SELENOI: variants seen among roughly 807,000 people sequenced by gnomAD.
The protein encoded by SELENOI is ethanolaminephosphotransferase 1.
SELENOI carries 24 observed loss-of-function variants against 50.7 expected under a neutral mutation model. The ratio of observed to expected loss-of-function variants is 0.47; its 90% CI spans 0.34 to 0.67. The LOEUF is 0.67. SELENOI is among the 30% of genes least tolerant of loss of function. The probability of loss-of-function intolerance (pLI) is 0.01; values close to 1 mark genes in which losing one functional copy is unlikely to be tolerated. For synonymous variants in SELENOI, 155 were observed against 170.2 expected, an observed-to-expected ratio of 0.91 and a Z score of 0.70; for missense variants, 352 against 461.4, an observed-to-expected ratio of 0.76 and a Z score of 2.17.
chr2:26,379,667 T>A (rs945555680), intron 6 of SELENOI, among the ~76,000 whole-genome samples: 96 of 152,274 alleles, frequency 6.3e-4, no homozygotes, highest in African/African-American at 2.3e-3. Context: ...CACCTAATAA[T>A]ATTAACAGAC....
At chr2:26,358,488 G>T (rs1384468721) in intron 1 of SELENOI, among the ~76,000 whole-genome samples, 2 of 152,134 alleles carry the variant, frequency 1.3e-5, no homozygotes, top group Non-Finnish European at 1.5e-5. Context: ...GCCTCCCAAG[G>T]CACTGGGATT....
At chr2:26,369,609 T>A (rs1288901122) in intron 4 of SELENOI, among the ~76,000 whole-genome samples, 1 of 152,200 alleles carries the variant, frequency 6.6e-6, no homozygotes, top group Non-Finnish European at 1.5e-5. Context: ...TTAGTGTCCC[T>A]CTCTCCAGCC....
chr2:26,379,321 T>C (rs1677633876), intron 6 of SELENOI, among the ~76,000 whole-genome samples: 2 of 152,236 alleles, frequency 1.3e-5, no homozygotes, highest in African/African-American at 4.8e-5. Flanking sequence ...CTATTTTTTC[T>C]TTGAAGTTTA....
chr2:26,360,938 G>T (rs1023133373), intron 1 of SELENOI, among the ~76,000 whole-genome samples: 1 of 152,142 alleles, frequency 6.6e-6, no homozygotes, highest in South Asian at 2.1e-4. Flanking sequence ...CATCCTGGCC[G>T]GCACGGTGGC....
At chr2:26,358,174 G>T (rs1321697937) in intron 1 of SELENOI, among the ~76,000 whole-genome samples, 1 of 152,120 alleles carries the variant, frequency 6.6e-6, no homozygotes, top group Admixed American at 6.5e-5. Context: ...AGCCCAAGAC[G>T]GGAGGATCTC....
At chr2:26,361,900 C>T (rs1206866250) in intron 1 of SELENOI, among the ~76,000 whole-genome samples, 5 of 151,770 alleles carry the variant, frequency 3.3e-5, no homozygotes, top group East Asian at 2.0e-4. Context: ...TCAAATGATC[C>T]GCCCGCCTCG....
chr2:26,371,192 C>T (rs59567929), intron 4 of SELENOI, among the ~76,000 whole-genome samples: 58,097 of 149,642 alleles, frequency 0.39, 12,614 homozygotes, highest in Non-Finnish European at 0.5. Context: ...GGGTGGCTGC[C>T]GGGCGGAGAT....
At chr2:26,366,693 A>T (rs1213335841) in intron 3 of SELENOI, among the ~76,000 whole-genome samples, 2 of 152,230 alleles carry the variant, frequency 1.3e-5, no homozygotes, top group African/African-American at 2.4e-5. Context: ...CAAATCATTC[A>T]GTTGAGGTGA....
At chr2:26,347,626 C>T (rs1052840161) in intron 1 of SELENOI, among the ~76,000 whole-genome samples, 2 of 152,152 alleles carry the variant, frequency 1.3e-5, no homozygotes, top group African/African-American at 4.8e-5. Context: ...GCTGTTAACC[C>T]AGATACCTCC....
intron 3 of SELENOI, 59 bp downstream of exon 3, chr2:26,364,999 C>G (rs1677258478): frequency 8.1e-7 from 1 of 1,239,270 alleles, no homozygotes; most frequent in African/African-American, 1.6e-5. Flanking sequence ...AATGTGGATG[C>G]TTATTTTCTG....
In SELENOI at chr2:26,372,983, G is replaced by A. The variant is rs551282826; in HGVS notation, c.311-384G>A. Reference sequence around the variant, plus strand: ...AGCTCACTGCAGGTTCAAACTCCTGGGCTCAAACAATCTTCCCACCTCAGC... The same window carrying A: ...AGCTCACTGCAGGTTCAAACTCCTGAGCTCAAACAATCTTCCCACCTCAGC... On this transcript the variant is annotated intron_variant, in intron 4 of 9. Coordinates refer to ENST00000260585, the MANE Select transcript of SELENOI (RefSeq NM_033505.4). Among the ~76,000 whole-genome samples the A allele has an allele frequency of 1.2e-3, 188 of 152,198 alleles. 1 individual carries two copies. Among genetic ancestry groups the A allele is most frequent in the African/African-American group, 4.3e-3 (178 of 41,506 alleles).
chr2:26,353,941 G>A (rs745840947), intron 1 of SELENOI, among the ~76,000 whole-genome samples: 2 of 152,182 alleles, frequency 1.3e-5, no homozygotes, highest in South Asian at 2.1e-4. Context: ...AAAGACACCC[G>A]TGGGAACCAA....
At chr2:26,349,812 C>T (rs1219039409) in intron 1 of SELENOI, among the ~76,000 whole-genome samples, 2 of 147,234 alleles carry the variant, frequency 1.4e-5, no homozygotes, top group African/African-American at 5.0e-5. Flanking sequence ...TTGGTTGGTT[C>T]GAGAAAGTTA....
At chr2:26,371,162 TC>T (rs1677430908) in intron 4 of SELENOI, among the ~76,000 whole-genome samples, 1 of 114,772 alleles carries the variant, frequency 8.7e-6, no homozygotes, top group African/African-American at 3.4e-5. Flanking sequence ...GGCTGACCCC[TC>T]CCACCTCCCT....
chr2:26,385,976 T>G (rs558499384), intron 8 of SELENOI, among the ~76,000 whole-genome samples: 1 of 152,290 alleles, frequency 6.6e-6, no homozygotes, highest in Non-Finnish European at 1.5e-5. Flanking sequence ...TCTTCATCAT[T>G]GCCATAAAGA....
Position 26,367,099 on chromosome 2 carries a change from C to T in SELENOI, c.236-47C>T, listed in dbSNP as rs187292473. 4.0e-6 allele frequency: 6 copies of T among 1,513,106 alleles called. No individual in the cohort carries two copies. The Admixed American group carries it at 1.1e-4, about 29-fold the overall frequency. 93.7% of individuals were successfully genotyped at this position (1,513,106 alleles called of 1,614,324 possible). ...CTGTCAGTATATGCTATGGTAAGAA[C>T]TACTGTACTTAAACTGTATTAAAAT... On this transcript the variant is annotated intron_variant, in intron 3 of 9. Transcript: ENST00000260585.
chr2:26,390,513 GTATT>G lies in SELENOI; in HGVS notation c.*1412_*1415del, dbSNP rs781213928. 2 of 152,500 alleles carry G rather than the reference GTATT, an allele frequency of 1.3e-5. No homozygotes were observed. The highest frequency in any genetic ancestry group is 2.9e-5 in the Non-Finnish European group (2 of 68,012). The allele number at this position is 152,500 out of a possible 1,614,324, so 9.4% of individuals were successfully genotyped here. On this transcript the variant is annotated 3_prime_UTR_variant, in exon 10 of 10. Transcript: ENST00000260585. ...GACCATTGTTAAATTTAATTATAGT[GTATT>G]TCTTTCTTGAATTTCAGTCTGCTGC...
At chr2:26,361,356 C>A (rs1175665917) in intron 1 of SELENOI, among the ~76,000 whole-genome samples, 9 of 152,350 alleles carry the variant, frequency 5.9e-5, no homozygotes. Flanking sequence ...TTTTCCTATA[C>A]ATACACACCT....
At chr2:26,377,448 A>G (rs868665342) in intron 6 of SELENOI, among the ~76,000 whole-genome samples, 7 of 152,006 alleles carry the variant, frequency 4.6e-5, no homozygotes, top group African/African-American at 1.4e-4. Context: ...TGGGTAACAT[A>G]GTGGGATCAC....
Sources: gnomAD v4.1 joint callset for allele counts (sites outside exome capture counted in the v4.1 genomes callset) on GRCh38, gnomAD v4.1.1 for gene constraint, MANE v1.5 for transcripts, NCBI Gene and HGNC (gene_info 2026-07-23, HGNC 2026-07-21) for gene names.